Variants in LIMA1 observed in about 807,000 individuals in gnomAD.
LIMA1 encodes LIM domain and actin-binding protein 1.
A neutral mutation model predicts 62.6 loss-of-function variants in LIMA1; 52 were observed. The ratio of observed to expected loss-of-function variants is 0.83; its 90% CI spans 0.67 to 1.05. LIMA1 has a LOEUF of 1.05. Ranked by LOEUF, LIMA1 falls within the 50% of genes least tolerant of loss-of-function variation. The pLI is 0.00. For missense variants in LIMA1, 780 were observed against 902.2 expected (o/e 0.86, Z 1.74); for synonymous variants, 302 against 317.8 (o/e 0.95, Z 0.53).
intron 1 of LIMA1, among the ~76,000 whole-genome samples, chr12:50,280,229 A>G (rs1258080833): frequency 1.5e-5 from 2 of 129,070 alleles, no homozygotes; most frequent in African/African-American, 3.0e-5. Context: ...ATCTCCGCTC[A>G]CTGCAAGCTC....
chr12:50,219,573 GGT>G, intron 4 of LIMA1: 1 of 152,066 alleles, frequency 6.6e-6, no homozygotes. Context: ...TAAAACCAAG[GGT>G]GGCTGTGTTT....
chr12:50,239,061 T>C (rs1941736787), intron 2 of LIMA1, among the ~76,000 whole-genome samples: 1 of 152,208 alleles, frequency 6.6e-6, no homozygotes, highest in South Asian at 2.1e-4. Context: ...AAATACTTAT[T>C]GCTGTCTACT....
At position 50,214,024 on chromosome 12, in the gene LIMA1, C is replaced by CCACACACACACACACACACA. The variant is rs10632810; in HGVS notation, c.631-7976_631-7957dup. On this transcript the variant is annotated intron_variant, in intron 4 of 10. Transcript: ENST00000341247. ...TTACCCTGGATCAATTATTATCTTA[C>CCACACACACACACACACACA]CACACACACACACACACACACACAC... 7.5e-3 allele frequency among the ~76,000 whole-genome samples: 780 copies of CCACACACACACACACACACA among 104,562 alleles called. 6 individuals carry two copies. The highest frequency in any genetic ancestry group is 0.022 in the African/African-American group (689 of 31,552). 68.6% of individuals were successfully genotyped at this position (104,562 alleles called of 152,430 possible). A position where few individuals can be genotyped will look rare whatever the true frequency, so the allele number is the denominator to read the frequency against.
chr12:50,248,866 C>T (rs1376123856), intron 1 of LIMA1, 92 bp from the exon 2 acceptor site: 9 of 698,080 alleles, frequency 1.3e-5, no homozygotes, highest in Non-Finnish European at 2.3e-5. Context: ...CCTAAACTTG[C>T]AGACCACACT....
At chr12:50,268,235 C>T (rs540807829) in intron 1 of LIMA1, among the ~76,000 whole-genome samples, 15 of 152,240 alleles carry the variant, frequency 9.9e-5, no homozygotes, top group African/African-American at 3.6e-4. Flanking sequence ...ATATTCTAAG[C>T]AGAGCACAAC....
At chr12:50,267,226 T>C (rs1385224859) in intron 1 of LIMA1, among the ~76,000 whole-genome samples, 1 of 151,830 alleles carries the variant, frequency 6.6e-6, no homozygotes, top group Non-Finnish European at 1.5e-5. Flanking sequence ...TCCCCCACAA[T>C]GTCCGGCTAA....
intron 1 of LIMA1, among the ~76,000 whole-genome samples, chr12:50,255,827 T>C (rs1941989367): frequency 6.6e-6 from 1 of 152,060 alleles, no homozygotes; most frequent in South Asian, 2.1e-4. Context: ...ATTTCTAAAT[T>C]TATATTTCTG....
Position 50,177,955 on chromosome 12 carries a change from A to G in LIMA1, c.1389T>C (p.Asp463=). Residue 463 remains aspartate, a synonymous_variant, in exon 11 of 11, where the codon GAT becomes GAC. Coordinates refer to ENST00000341247, the MANE Select transcript of LIMA1 (RefSeq NM_016357.5). ...CGTTTTCATTTTTGCTTGCCCATAG[A>G]TCCTTGTGTGGTCTGTGCCCAAAGC... ...DEGFGHRPHK[D]LWASKNENEE... is the part of the protein sequence containing the mutation. 5 of 1,613,690 alleles carry G rather than the reference A, an allele frequency of 3.1e-6. No homozygotes were observed. The highest frequency in any genetic ancestry group is 4.2e-6 in the Non-Finnish European group (5 of 1,179,886).
At chr12:50,280,142 G>GGATTTTT (rs1565868099) in intron 1 of LIMA1, among the ~76,000 whole-genome samples, 1 of 95,824 alleles carries the variant, frequency 1.0e-5, no homozygotes. Flanking sequence ...CAGGGTAGTA[G>GGATTTTT]TATTTTTTTT....
intron 8 of LIMA1, among the ~76,000 whole-genome samples, chr12:50,195,435 A>G (rs1366472513): frequency 4.6e-5 from 7 of 152,204 alleles, no homozygotes. Flanking sequence ...TATCTTTAAC[A>G]GATTATTCAA....
chr12:50,242,806 C>CCTGGGATCTGGGA (rs1236631959), intron 2 of LIMA1, among the ~76,000 whole-genome samples: 2 of 152,082 alleles, frequency 1.3e-5, no homozygotes, highest in African/African-American at 2.4e-5. Flanking sequence ...AAGAGCTGGG[C>CCTGGGATCTGGGA]CTGGGATCTG....
chr12:50,261,496 C>A (rs975434497), intron 1 of LIMA1, among the ~76,000 whole-genome samples: 1 of 152,080 alleles, frequency 6.6e-6, no homozygotes, highest in Non-Finnish European at 1.5e-5. Flanking sequence ...CACTACTCCC[C>A]CCGAGGACAC....
rs1423265745 is a variant in LIMA1 at position 50,269,918 on chromosome 12, C to CAA, written c.-24+13500_-24+13501dup. Among the ~76,000 whole-genome samples, 65 of 88,102 alleles carry CAA rather than the reference C, an allele frequency of 7.4e-4. 1 individual carries two copies. The highest frequency in any genetic ancestry group is 2.6e-3 in the African/African-American group (55 of 21,376). The allele number at this position is 88,102 out of a possible 152,430, so 57.8% of individuals were successfully genotyped here. A position where few individuals can be genotyped will look rare whatever the true frequency, so the allele number is the denominator to read the frequency against. On this transcript the variant is annotated intron_variant, in intron 1 of 10. Transcript: ENST00000341247. ...CTGGGCAACAAGAGCAAAACTCCGT[C>CAA]AAATAAAAAAAAAAAAAAAAAAAAA...
chr12:50,193,515 G>GAT (rs1175539044), intron 8 of LIMA1, among the ~76,000 whole-genome samples: 4 of 110,634 alleles, frequency 3.6e-5, no homozygotes, highest in Non-Finnish European at 7.1e-5. Context: ...GTGTATATAT[G>GAT]ATATATATAC....
chr12:50,276,149 G>T (rs1399940410), intron 1 of LIMA1, among the ~76,000 whole-genome samples: 1 of 151,988 alleles, frequency 6.6e-6, no homozygotes, highest in African/African-American at 2.4e-5. Context: ...ATTACTCAAG[G>T]ACTCAAGGAC....
At chr12:50,238,793 T>C (rs965704986) in intron 2 of LIMA1, among the ~76,000 whole-genome samples, 1 of 150,372 alleles carries the variant, frequency 6.7e-6, no homozygotes, top group Non-Finnish European at 1.5e-5. Flanking sequence ...GAGGTTGCAG[T>C]GAGCTGAGAT....
chr12:50,218,537 A>G (rs942570326), intron 4 of LIMA1, among the ~76,000 whole-genome samples: 8 of 152,122 alleles, frequency 5.3e-5, no homozygotes, highest in African/African-American at 1.9e-4. Flanking sequence ...AACACTTCCC[A>G]TGGCGTGCTT....
chr12:50,178,069 A>G lies in LIMA1; in HGVS notation c.1275T>C (p.Ser425=). 1 of 1,449,480 alleles carries G rather than the reference A, an allele frequency of 6.9e-7. No homozygotes were observed. The highest frequency in any genetic ancestry group is 1.7e-5 in the South Asian group (1 of 59,038). The allele number at this position is 1,449,480 out of a possible 1,614,324, so 89.8% of individuals were successfully genotyped here. Residue 425 remains serine, a splice_region_variant and synonymous_variant, in exon 11 of 11, where the codon AGT becomes AGC. Transcript: ENST00000341247. ...CATGTAAAGATGCATATGTTCCTAG[A>G]CTGTCATTAAAAGAAAAAAAGCATA... ...FRCSYCNNKL[S]LGTYASLHGR...
intron 9 of LIMA1, among the ~76,000 whole-genome samples, chr12:50,182,472 G>A (rs1379433297): frequency 6.6e-6 from 1 of 152,222 alleles, no homozygotes. Flanking sequence ...ATTTCAAGGA[G>A]AGGAAGAGCA....
Sources: gnomAD v4.1 joint callset for allele counts (sites outside exome capture counted in the v4.1 genomes callset) on GRCh38, gnomAD v4.1.1 for gene constraint, MANE v1.5 for transcripts, NCBI Gene and HGNC (gene_info 2026-07-23, HGNC 2026-07-21) for gene names.